CDH8: variants seen among roughly 807,000 people sequenced by gnomAD.
CDH8 encodes cadherin-8.
CDH8 carries 17 observed loss-of-function variants against 68.1 expected under a neutral mutation model. That is an observed-to-expected ratio of 0.25 (90% CI 0.17 to 0.37). The LOEUF (loss-of-function observed/expected upper bound fraction) is 0.37, where lower values mean the gene tolerates loss of function less well. Among genes scored for constraint, CDH8 ranks in the 10% least tolerant of loss-of-function variants. The probability of loss-of-function intolerance (pLI) is 1.00; values close to 1 mark genes in which losing one functional copy is unlikely to be tolerated. For missense variants in CDH8, 763 were observed against 999.3 expected (o/e 0.76, Z 3.19); for synonymous variants, 372 against 365.1 (o/e 1.02, Z -0.21).
chr16:61,745,352 C>G (rs1247151418), intron 8 of CDH8, among the ~76,000 whole-genome samples: 1 of 151,700 alleles, frequency 6.6e-6, no homozygotes. Context: ...TGTATTTACC[C>G]TGTTTAAGAG....
intron 8 of CDH8, among the ~76,000 whole-genome samples, chr16:61,740,196 C>A (rs762235330): frequency 6.6e-6 from 1 of 151,800 alleles, no homozygotes; most frequent in Non-Finnish European, 1.5e-5. Context: ...TGAGCCACTG[C>A]GCCCGGCCAA....
At chr16:61,833,217 C>T (rs982752811) in intron 4 of CDH8, among the ~76,000 whole-genome samples, 38 of 151,296 alleles carry the variant, frequency 2.5e-4, no homozygotes, top group African/African-American at 7.5e-4. Context: ...ATATTATATA[C>T]ACAGTATATA....
At chr16:61,819,717 A>C (rs554717639) in intron 6 of CDH8, among the ~76,000 whole-genome samples, 1 of 152,196 alleles carries the variant, frequency 6.6e-6, no homozygotes, top group African/African-American at 2.4e-5. Flanking sequence ...AGACCATTGG[A>C]AATATGTCTC....
intron 2 of CDH8, among the ~76,000 whole-genome samples, chr16:61,908,181 A>G (rs944671933): frequency 6.6e-6 from 1 of 152,188 alleles, no homozygotes; most frequent in African/African-American, 2.4e-5. Flanking sequence ...ATTACATCTT[A>G]GCATTATTTT....
intron 8 of CDH8, among the ~76,000 whole-genome samples, chr16:61,727,532 T>C (rs1959411619): frequency 6.6e-6 from 1 of 151,050 alleles, no homozygotes; most frequent in African/African-American, 2.4e-5. Flanking sequence ...AAAAGAAAAA[T>C]GTTGTATACA....
intron 10 of CDH8, among the ~76,000 whole-genome samples, chr16:61,670,309 G>T (rs766426487): frequency 6.6e-6 from 1 of 152,016 alleles, no homozygotes; most frequent in Non-Finnish European, 1.5e-5. Context: ...ATGGAGATTT[G>T]ATTATAAAGT....
At chr16:61,711,395 C>T (rs1964627681) in intron 10 of CDH8, among the ~76,000 whole-genome samples, 1 of 151,768 alleles carries the variant, frequency 6.6e-6, no homozygotes, top group South Asian at 2.1e-4. Flanking sequence ...TATATTAGCT[C>T]TCTCAACATT....
chr16:61,804,616 A>G (rs2142997870), intron 7 of CDH8, among the ~76,000 whole-genome samples: 1 of 149,928 alleles, frequency 6.7e-6, no homozygotes, highest in African/African-American at 2.5e-5. Flanking sequence ...AATAGACACA[A>G]TAAAAAATGA....
At chr16:62,027,359 C>T (rs1902219797) in intron 1 of CDH8, among the ~76,000 whole-genome samples, 1 of 152,200 alleles carries the variant, frequency 6.6e-6, no homozygotes, top group South Asian at 2.1e-4. Context: ...ACATATTACA[C>T]CATCCGTTTT....
At chr16:61,768,353 T>TCCCTTTCTCTCG (rs1960665040) in intron 8 of CDH8, among the ~76,000 whole-genome samples, 13 of 109,406 alleles carry the variant, frequency 1.2e-4, no homozygotes, top group African/African-American at 5.0e-4. Context: ...TCTCTCTCTC[T>TCCCTTTCTCTCG]CTCTCTCTCT....
intron 10 of CDH8, among the ~76,000 whole-genome samples, chr16:61,703,804 C>T (rs2142853634): frequency 6.6e-6 from 1 of 152,164 alleles, no homozygotes; most frequent in East Asian, 1.9e-4. Flanking sequence ...CGTGCCACTG[C>T]ACTCCAGGCC....
chr16:61,732,618 T>A (rs2142905816), intron 8 of CDH8, among the ~76,000 whole-genome samples: 1 of 151,910 alleles, frequency 6.6e-6, no homozygotes, highest in Admixed American at 6.6e-5. Flanking sequence ...ACACTCACAA[T>A]AAATGATAAA....
intron 10 of CDH8, among the ~76,000 whole-genome samples, chr16:61,700,664 C>T (rs1278512030): frequency 6.6e-6 from 1 of 152,088 alleles, no homozygotes; most frequent in Admixed American, 6.6e-5. Context: ...TATAAGATTT[C>T]TCACTTATAT....
chr16:61,983,211 G>C (rs1358847429), intron 2 of CDH8, among the ~76,000 whole-genome samples: 3 of 152,108 alleles, frequency 2.0e-5, no homozygotes, highest in Non-Finnish European at 4.4e-5. Flanking sequence ...TTAACCTCAT[G>C]TGTACTTTTG....
chr16:61,762,190 C>T (rs1431367205), intron 8 of CDH8, among the ~76,000 whole-genome samples: 1 of 152,018 alleles, frequency 6.6e-6, no homozygotes, highest in Non-Finnish European at 1.5e-5. Flanking sequence ...TAAAATTGCA[C>T]AGAACTAACC....
intron 2 of CDH8, among the ~76,000 whole-genome samples, chr16:61,911,904 A>G (rs1964168967): frequency 6.6e-6 from 1 of 152,144 alleles, no homozygotes; most frequent in Non-Finnish European, 1.5e-5. Flanking sequence ...AGGGCGAGCC[A>G]CAGAGGAACA....
chr16:61,648,100 A>T lies in CDH8; in HGVS notation c.*5508T>A, dbSNP rs895305727. The T allele has an allele frequency of 9.2e-6, 4 of 433,822 alleles. No individual in the cohort carries two copies. Among genetic ancestry groups the T allele is most frequent in the African/African-American group, 4.1e-5 (2 of 48,918 alleles). 26.9% of individuals were successfully genotyped at this position (433,822 alleles called of 1,614,324 possible). The stretch of plus-strand genomic sequence containing the variant: ...AGGAAGGAGGAGAATACATACAAAA[A>T]CACTTACAACATTACAACTCAGGAG... On this transcript the variant is annotated 3_prime_UTR_variant, in exon 12 of 12. Transcript: ENST00000577390.
intron 2 of CDH8, among the ~76,000 whole-genome samples, chr16:61,972,594 G>T (rs1163877887): frequency 6.6e-6 from 1 of 151,564 alleles, no homozygotes; most frequent in Non-Finnish European, 1.5e-5. Context: ...GTGTGTGTGT[G>T]TGTGTGTGTG....
At chr16:61,910,126 A>G (rs1052205890) in intron 2 of CDH8, among the ~76,000 whole-genome samples, 8 of 152,288 alleles carry the variant, frequency 5.3e-5, no homozygotes, top group African/African-American at 1.9e-4. Flanking sequence ...ACCCACACAC[A>G]AATGAAACCT....
Sources: gnomAD v4.1 joint callset for allele counts (sites outside exome capture counted in the v4.1 genomes callset) on GRCh38, gnomAD v4.1.1 for gene constraint, MANE v1.5 for transcripts, NCBI Gene and HGNC (gene_info 2026-07-23, HGNC 2026-07-21) for gene names.